CABP4: variants seen among roughly 807,000 people sequenced by gnomAD.
The protein encoded by CABP4 is calcium binding protein 4.
A neutral mutation model predicts 30.7 loss-of-function variants in CABP4; 30 were observed. That is an observed-to-expected ratio of 0.98 (90% confidence interval 0.73 to 1.33). The LOEUF (loss-of-function observed/expected upper bound fraction) is 1.33. Ranked by LOEUF, CABP4 falls within the 40% of genes most tolerant of loss-of-function variation. The pLI is 0.00. For missense variants in CABP4, 424 were observed against 395.5 expected (o/e 1.07, Z -0.61); for synonymous variants, 161 against 159.2 (o/e 1.01, Z -0.08).
At position 67,458,943 on chromosome 11, in the gene CABP4, G is replaced by C; in HGVS notation, c.*284G>C. Reference sequence around the variant, plus strand: ...GGTCTCTCCAGACCTCTGGGAGGTAGGGAGTTCCCTGGCACTGGCAGCATT... The same window carrying C: ...GGTCTCTCCAGACCTCTGGGAGGTACGGAGTTCCCTGGCACTGGCAGCATT... On this transcript the variant is annotated 3_prime_UTR_variant, in exon 6 of 6. Transcript: ENST00000325656. 3 of 533,068 alleles carry C rather than the reference G, an allele frequency of 5.6e-6. No individual in the cohort carries two copies. The highest frequency in any genetic ancestry group is 2.0e-5 in the South Asian group (1 of 48,854). 33.0% of individuals were successfully genotyped at this position (533,068 alleles called of 1,614,324 possible).
chr11:67,459,562 G>A lies in CABP4; in HGVS notation c.*903G>A, dbSNP rs1864947259. 1 of 152,222 alleles carries A rather than the reference G, an allele frequency of 6.6e-6. No homozygotes were observed. The highest frequency in any genetic ancestry group is 2.4e-5 in the African/African-American group (1 of 41,448). The allele number at this position is 152,222 out of a possible 1,614,324, so 9.4% of individuals were successfully genotyped here. On this transcript the variant is annotated 3_prime_UTR_variant, in exon 6 of 6. Coordinates refer to ENST00000325656, the MANE Select transcript of CABP4 (RefSeq NM_145200.5). ...TGCCCTAAAGAGCCTGGAACTCCAG[G>A]GCCTGCCCTTCAAGCAGGCGTGTAG... is the stretch of plus-strand genomic sequence containing the variant.
Position 67,455,608 on chromosome 11 carries a change from C to CAGGCCCCG in CABP4, c.194_201dup (p.Gly68ArgfsTer67), listed in dbSNP as rs761320785. On this transcript the variant is annotated frameshift_variant, in exon 1 of 6. Transcript: ENST00000325656. LOFTEE classifies it high-confidence loss of function. ...CGCACTGGCAGCTCTGGGGAGCAGA[C>CAGGCCCCG]AGGCCCCGAGGCCCCGGGGAGCAGC... 2 of 1,606,968 alleles carry CAGGCCCCG rather than the reference C, an allele frequency of 1.2e-6. No individual in the cohort carries two copies. The highest frequency in any genetic ancestry group is 1.7e-6 in the Non-Finnish European group (2 of 1,177,932).
intron 1 of CABP4, 89 bp from the exon 2 acceptor site, chr11:67,456,099 T>C: frequency 3.1e-6 from 5 of 1,611,358 alleles, no homozygotes; most frequent in African/African-American, 1.3e-5. Flanking sequence ...GGCTGGGCCC[T>C]GCCCAGGCCA....
chr11:67,452,993 C>A, upstream of CABP4: 1 of 385,106 alleles, frequency 2.6e-6, no homozygotes, highest in Non-Finnish European at 4.6e-6. Flanking sequence ...TGCCAGGGCT[C>A]AACCCAGACT....
At position 67,461,076 on chromosome 11, in the gene CABP4, C is replaced by G. The variant is rs1864998504; in HGVS notation, c.*2417C>G. Among the ~76,000 whole-genome samples, 1 of 151,772 alleles carries G rather than the reference C, an allele frequency of 6.6e-6. No homozygotes were observed. Among genetic ancestry groups the G allele is most frequent in the South Asian group, 2.1e-4 (1 of 4,826 alleles). ...TTTTGGGAGGCTAAGGCAGGAGGAT[C>G]ACTTGAGGCCAGGAGTTTGAGACCA... On this transcript the variant is annotated 3_prime_UTR_variant, in exon 6 of 6. Coordinates refer to ENST00000325656, the MANE Select transcript of CABP4 (RefSeq NM_145200.5).
In CABP4 at chr11:67,460,267, C is replaced by G. The variant is rs1018872418; in HGVS notation, c.*1608C>G. On this transcript the variant is annotated 3_prime_UTR_variant, in exon 6 of 6. Coordinates refer to ENST00000325656, the MANE Select transcript of CABP4 (RefSeq NM_145200.5). ...TTGAGCTCAGGAATTCGAGACCAGC[C>G]TGGGCAACATGGTGAAACCCTGTCT... is the stretch of plus-strand genomic sequence containing the variant. 5 of 152,182 alleles carry G rather than the reference C, an allele frequency of 3.3e-5. No individual in the cohort carries two copies. Among genetic ancestry groups the G allele is most frequent in the African/African-American group, 7.3e-5 (3 of 41,372 alleles). The allele number at this position is 152,182 out of a possible 1,614,324, so 9.4% of individuals were successfully genotyped here.
chr11:67,457,907 G>A (rs1221567271), intron 4 of CABP4, among the ~76,000 whole-genome samples: 2 of 152,168 alleles, frequency 1.3e-5, no homozygotes, highest in East Asian at 3.9e-4. Flanking sequence ...GGGTGTGGAA[G>A]GTGTGCATGG....
intron 4 of CABP4, 24 bp from the exon 5 acceptor site, chr11:67,458,347 G>C (rs1263496132): frequency 6.3e-7 from 1 of 1,591,780 alleles, no homozygotes; most frequent in Non-Finnish European, 8.6e-7. Flanking sequence ...GGGTGGGAGG[G>C]GCTGAGCTTT....
chr11:67,457,102 A>C (rs1329575568), intron 3 of CABP4, among the ~76,000 whole-genome samples: 1 of 152,198 alleles, frequency 6.6e-6, no homozygotes, highest in Non-Finnish European at 1.5e-5. Flanking sequence ...TTGGGTGACC[A>C]TGAGTGCTTT....
At chr11:67,452,629 G>C, upstream of CABP4, 1 of 1,613,704 alleles carries the variant, frequency 6.2e-7, no homozygotes, top group Non-Finnish European at 8.5e-7. Flanking sequence ...GGAAGACCGT[G>C]TCCCAGCCAC....
upstream of CABP4, chr11:67,452,668 C>G (rs1446693109): frequency 3.7e-6 from 6 of 1,609,884 alleles, no homozygotes; most frequent in Admixed American, 1.0e-4. Context: ...CATCATCAAG[C>G]TCTGTGCGGG....
At chr11:67,455,911 G>T in intron 1 of CABP4, 122 bp downstream of exon 1, 1 of 1,383,042 alleles carries the variant, frequency 7.2e-7, no homozygotes, top group African/African-American at 1.4e-5. Flanking sequence ...CTGAGCCTGG[G>T]CTGTGGGGCA....
chr11:67,457,625 G>T lies in CABP4; in HGVS notation c.594G>T (p.Leu198=). Residue 198 remains leucine (L), a synonymous_variant, in exon 4 of 6, where the codon CTG becomes CTT. Coordinates refer to ENST00000325656, the MANE Select transcript of CABP4 (RefSeq NM_145200.5). ...TTGTAGAACTGATAGGCCCAAAGCTGAGGGAGGAGACGGCGCACATGCTGG... is the reference window on the plus strand; with the variant it reads ...TTGTAGAACTGATAGGCCCAAAGCTTAGGGAGGAGACGGCGCACATGCTGG... ...EEFVELIGPK[L]REETAHMLGV... 4.4e-6 allele frequency: 7 copies of T among 1,605,846 alleles called. No individual in the cohort carries two copies. Among genetic ancestry groups the T allele is most frequent in the Non-Finnish European group, 6.0e-6 (7 of 1,176,320 alleles).
rs959705498 is a variant in CABP4 at position 67,458,950 on chromosome 11, C to T, written c.*291C>T. The stretch of plus-strand genomic sequence containing the variant: ...CCAGACCTCTGGGAGGTAGGGAGTT[C>T]CCTGGCACTGGCAGCATTCAGTGGG... On this transcript the variant is annotated 3_prime_UTR_variant, in exon 6 of 6. Transcript: ENST00000325656. 1.3e-5 allele frequency: 7 copies of T among 520,598 alleles called. No homozygotes were observed. Among genetic ancestry groups the T allele is most frequent in the Non-Finnish European group, 2.4e-5 (7 of 286,308 alleles). 32.2% of individuals were successfully genotyped at this position (520,598 alleles called of 1,614,324 possible). A position where few individuals can be genotyped will look rare whatever the true frequency, so the allele number is the denominator to read the frequency against.
At chr11:67,455,992 C>A (rs1864772440) in intron 1 of CABP4, 196 bp from the exon 2 acceptor site, 2 of 1,202,270 alleles carry the variant, frequency 1.7e-6, no homozygotes, top group Non-Finnish European at 2.3e-6. Flanking sequence ...GAATTCACAC[C>A]AGGGCTCTGT....
Position 67,456,172 on chromosome 11 carries a change from G to C in CABP4, c.367-16G>C. 6.2e-7 allele frequency: 1 copy of C among 1,613,184 alleles called. No individual in the cohort carries two copies. The highest frequency in any genetic ancestry group is 1.1e-5 in the South Asian group (1 of 91,086). On this transcript the variant is annotated splice_polypyrimidine_tract_variant and intron_variant, in intron 1 of 5. Transcript: ENST00000325656. Reference sequence around the variant, plus strand: ...CGTGGCTGGCCCTGGGGACATCCTGGACTCTCCCCCTGCAGGACCGCGAAC... The same window carrying C: ...CGTGGCTGGCCCTGGGGACATCCTGCACTCTCCCCCTGCAGGACCGCGAAC...
upstream of CABP4, chr11:67,452,938 C>A (rs564332846): frequency 4.1e-6 from 2 of 489,442 alleles, no homozygotes; most frequent in South Asian, 4.3e-5. Flanking sequence ...ACTTTACAGG[C>A]GAGGACAGGA....
Position 67,455,753 on chromosome 11 carries a change from G to A in CABP4, c.330G>A (p.Arg110=). 2.5e-6 allele frequency: 4 copies of A among 1,594,332 alleles called. No homozygotes were observed. The highest frequency in any genetic ancestry group is 2.6e-6 in the Non-Finnish European group (3 of 1,171,680). Residue 110 remains arginine, a synonymous_variant, in exon 1 of 6, where the codon AGG becomes AGA. Coordinates refer to ENST00000325656, the MANE Select transcript of CABP4 (RefSeq NM_145200.5). ...RPDSLHDAAQ[R]TYGPLLNRVF... The stretch of plus-strand genomic sequence containing the variant: ...ACTCCCTGCACGACGCTGCTCAGAG[G>A]ACATACGGGCCCCTGCTCAATCGAG...
At position 67,458,412 on chromosome 11, in the gene CABP4, G is replaced by A. The variant is rs1002291533; in HGVS notation, c.693G>A (p.Leu231=). Residue 231 remains leucine, a synonymous_variant, in exon 5 of 6, where the codon CTG becomes CTA. Coordinates refer to ENST00000325656, the MANE Select transcript of CABP4 (RefSeq NM_145200.5). ...ATGGACGAATTACGGTGGCGGAGCTGCGGGAGGCGGTACCGGCTCTGCTCG... is the reference window on the plus strand; with the variant it reads ...ATGGACGAATTACGGTGGCGGAGCTACGGGAGGCGGTACCGGCTCTGCTCG... The part of the protein sequence containing the change: ...DRDGRITVAE[L]REAVPALLGE... 1 of 1,613,512 alleles carries A rather than the reference G, an allele frequency of 6.2e-7. No homozygotes were observed.
Sources: gnomAD v4.1 joint callset for allele counts (sites outside exome capture counted in the v4.1 genomes callset) on GRCh38, gnomAD v4.1.1 for gene constraint, MANE v1.5 for transcripts, NCBI Gene and HGNC (gene_info 2026-07-23, HGNC 2026-07-21) for gene names.